The following AGGF1 variants were observed in gnomAD, a reference collection of about 807,000 sequenced individuals.
AGGF1 encodes the protein angiogenic factor with G patch and FHA domains 1.
Under a neutral mutation model 86.5 loss-of-function variants are expected in AGGF1, and 56 were observed. The observed-to-expected ratio is 0.65, with a 90% confidence interval of 0.52 to 0.81. The LOEUF is 0.81. Ranked by LOEUF, AGGF1 falls within the 30% of genes least tolerant of loss-of-function variation. The pLI is 0.00. For synonymous variants in AGGF1, 313 were observed against 297.1 expected, an observed-to-expected ratio of 1.05 and a Z score of -0.55; for missense variants, 816 against 850.9, an observed-to-expected ratio of 0.96 and a Z score of 0.51.
At chr5:77,051,997 A>G (rs924700529) in intron 8 of AGGF1, among the ~76,000 whole-genome samples, 7 of 152,184 alleles carry the variant, frequency 4.6e-5, no homozygotes, top group African/African-American at 1.4e-4. Flanking sequence ...AGTCCTAACT[A>G]TTGAACATCT....
intron 9 of AGGF1, 114 bp downstream of exon 9, chr5:77,052,921 G>A: frequency 2.4e-6 from 2 of 849,524 alleles, no homozygotes; most frequent in South Asian, 1.5e-5. Context: ...AAGCCCAAAT[G>A]TGTTACTTCG....
intron 10 of AGGF1, among the ~76,000 whole-genome samples, chr5:77,054,964 T>C (rs1747435092): frequency 6.6e-6 from 1 of 152,178 alleles, no homozygotes; most frequent in Non-Finnish European, 1.5e-5. Flanking sequence ...AGGATATTAC[T>C]GTTTTGCTTT....
At chr5:77,046,737 A>G (rs1747262500) in intron 6 of AGGF1, 60 bp downstream of exon 6, 9 of 1,458,914 alleles carry the variant, frequency 6.2e-6, no homozygotes, top group South Asian at 4.6e-5. Context: ...AAAGAGCAAA[A>G]CCATTAAAAA....
chr5:77,048,496 C>T (rs754216106), intron 7 of AGGF1, among the ~76,000 whole-genome samples: 13 of 152,044 alleles, frequency 8.6e-5, no homozygotes, highest in Admixed American at 1.3e-4. Context: ...GGATTACAGG[C>T]GTGCACCACC....
chr5:77,043,996 G>C (rs1341131698), intron 5 of AGGF1, among the ~76,000 whole-genome samples: 1 of 126,920 alleles, frequency 7.9e-6, no homozygotes, highest in East Asian at 2.3e-4. Context: ...GCCGGGCAGA[G>C]ACGCTCCTCA....
At chr5:77,059,026 A>T (rs1471169882) in intron 11 of AGGF1, among the ~76,000 whole-genome samples, 1 of 152,190 alleles carries the variant, frequency 6.6e-6, no homozygotes, top group Non-Finnish European at 1.5e-5. Context: ...GGGTTTTTTA[A>T]AAGTCTCTAC....
At chr5:77,032,150 C>A (rs1355287870) in intron 1 of AGGF1, among the ~76,000 whole-genome samples, 1 of 149,968 alleles carries the variant, frequency 6.7e-6, no homozygotes, top group African/African-American at 2.5e-5. Flanking sequence ...TTTGTATGAC[C>A]ATTACATGGA....
At chr5:77,032,718 C>A (rs1580121856) in intron 1 of AGGF1, among the ~76,000 whole-genome samples, 1 of 152,060 alleles carries the variant, frequency 6.6e-6, no homozygotes, top group Non-Finnish European at 1.5e-5. Flanking sequence ...TGCTAATCTT[C>A]AGAGAGCCAG....
At chr5:77,042,627 C>CA (rs2150729657) in intron 5 of AGGF1, among the ~76,000 whole-genome samples, 1 of 42,780 alleles carries the variant, frequency 2.3e-5, no homozygotes, top group African/African-American at 7.1e-5. Context: ...GCTGGCCGGG[C>CA]GGGGGGCTGA....
intron 11 of AGGF1, among the ~76,000 whole-genome samples, chr5:77,057,763 G>T (rs1470831404): frequency 6.6e-6 from 1 of 152,152 alleles, no homozygotes; most frequent in Non-Finnish European, 1.5e-5. Context: ...TCGCACCTTG[G>T]GTTATGTACC....
chr5:77,038,911 G>T (rs2150728152), intron 4 of AGGF1, among the ~76,000 whole-genome samples: 1 of 152,238 alleles, frequency 6.6e-6, no homozygotes, highest in East Asian at 1.9e-4. Context: ...ATGGTTGCTT[G>T]TAAGTCTTAT....
chr5:77,052,837 G>A, intron 9 of AGGF1, 30 bp downstream of exon 9: 2 of 1,516,166 alleles, frequency 1.3e-6, no homozygotes, highest in Non-Finnish European at 1.8e-6. Context: ...TTTGTTACCT[G>A]CACATTATTT....
At chr5:77,050,244 C>T (rs986700175) in intron 8 of AGGF1, among the ~76,000 whole-genome samples, 2 of 151,092 alleles carry the variant, frequency 1.3e-5, no homozygotes, top group African/African-American at 4.9e-5. Context: ...ATCTGAGATC[C>T]TTCCCCACCT....
At chr5:77,048,573 G>A (rs748236557) in intron 7 of AGGF1, among the ~76,000 whole-genome samples, 9 of 152,038 alleles carry the variant, frequency 5.9e-5, no homozygotes, top group Non-Finnish European at 1.2e-4. Context: ...GACTGGTCTC[G>A]AACTCCTCAA....
At position 77,063,273 on chromosome 5, in the gene AGGF1, A is replaced by AC; in HGVS notation, c.*23dup. 1.9e-6 allele frequency: 3 copies of AC among 1,607,072 alleles called. No homozygotes were observed. The highest frequency in any genetic ancestry group is 2.6e-6 in the Non-Finnish European group (3 of 1,175,570). On this transcript the variant is annotated 3_prime_UTR_variant, in exon 14 of 14. Transcript: ENST00000312916. ...AGTGAAGGCTAATCATAGAAAAAAA[A>AC]CCTCTAGTTTTTTTAAAAATAGAAT...
At chr5:77,054,869 T>G (rs1364878678) in intron 10 of AGGF1, among the ~76,000 whole-genome samples, 1 of 152,166 alleles carries the variant, frequency 6.6e-6, no homozygotes, top group African/African-American at 2.4e-5. Context: ...CATGAAGGGT[T>G]ATTGATTGAT....
At chr5:77,034,292 T>G in intron 1 of AGGF1, 126 bp from the exon 2 acceptor site, 1 of 681,776 alleles carries the variant, frequency 1.5e-6, no homozygotes, top group South Asian at 1.7e-5. Context: ...TTTTAGCTTT[T>G]CTGAAAGGGA....
chr5:77,045,755 T>G (rs1190218144), intron 5 of AGGF1, among the ~76,000 whole-genome samples: 1 of 152,250 alleles, frequency 6.6e-6, no homozygotes, highest in Non-Finnish European at 1.5e-5. Context: ...GAATAGGTAT[T>G]CTTTAGGCCT....
intron 1 of AGGF1, among the ~76,000 whole-genome samples, chr5:77,031,634 C>T (rs1046058060): frequency 6.6e-6 from 1 of 152,170 alleles, no homozygotes; most frequent in Non-Finnish European, 1.5e-5. Context: ...TAGCTCACGC[C>T]TGTAATCCCA....
Sources: allele counts gnomAD v4.1 joint callset (sites outside exome capture counted in the v4.1 genomes callset), GRCh38; gene constraint gnomAD v4.1.1; transcripts MANE v1.5; gene names NCBI Gene and HGNC (gene_info 2026-07-23, HGNC 2026-07-21).